The following XKR9 variants were observed in gnomAD, a reference collection of about 807,000 sequenced individuals.
XKR9 encodes XK-related protein 9.
Under a neutral mutation model 32.0 loss-of-function variants are expected in XKR9, and 32 were observed. The ratio of observed to expected loss-of-function variants is 1.00; its 90% CI spans 0.76 to 1.34. The LOEUF is 1.34. Among genes scored for constraint, XKR9 ranks in the 40% most tolerant of loss-of-function variants. The pLI, the probability that XKR9 is intolerant of heterozygous loss-of-function variation, is 0.00. For missense variants in XKR9, 546 were observed against 429.7 expected (o/e 1.27, Z -2.39); for synonymous variants, 168 against 143.4 (o/e 1.17, Z -1.22).
the XKR9 span, among the ~76,000 whole-genome samples, chr8:71,053,860 C>T: frequency 6.7e-6 from 1 of 150,264 alleles, no homozygotes; most frequent in Non-Finnish European, 1.5e-5. Flanking sequence ...GCATATGCTT[C>T]TCCTCTCTTA....
chr8:70,942,863 C>T, the XKR9 span, among the ~76,000 whole-genome samples: 39 of 152,084 alleles, frequency 2.6e-4, no homozygotes, highest in South Asian at 3.7e-3. Flanking sequence ...ATTTTGTGGC[C>T]AGCCCATAAG....
the XKR9 span, among the ~76,000 whole-genome samples, chr8:70,948,855 G>T: frequency 6.6e-6 from 1 of 152,180 alleles, no homozygotes; most frequent in South Asian, 2.1e-4. Flanking sequence ...ATGTGGTTCA[G>T]TTATATTTTA....
At chr8:70,972,574 CT>C in the XKR9 span, among the ~76,000 whole-genome samples, 1 of 152,108 alleles carries the variant, frequency 6.6e-6, no homozygotes, top group Non-Finnish European at 1.5e-5. Context: ...CAACTTTTCT[CT>C]GTTCAGTATA....
chr8:70,811,148 G>A, the XKR9 span, among the ~76,000 whole-genome samples: 13 of 152,170 alleles, frequency 8.5e-5, no homozygotes, highest in South Asian at 6.2e-4. Flanking sequence ...ACTCAAAACC[G>A]CTCAACTACA....
chr8:71,042,822 A>T, the XKR9 span, among the ~76,000 whole-genome samples: 1 of 152,192 alleles, frequency 6.6e-6, no homozygotes, highest in Non-Finnish European at 1.5e-5. Flanking sequence ...GCCATGACAC[A>T]TGGGCTTCCT....
At chr8:71,038,324 GTT>G in the XKR9 span, among the ~76,000 whole-genome samples, 3 of 78,144 alleles carry the variant, frequency 3.8e-5, no homozygotes, top group Non-Finnish European at 2.8e-5. Flanking sequence ...TTTCCTCTTT[GTT>G]TTTTTTTTTT....
At chr8:70,960,615 C>T in the XKR9 span, among the ~76,000 whole-genome samples, 3 of 152,112 alleles carry the variant, frequency 2.0e-5, no homozygotes, top group Non-Finnish European at 1.5e-5. Flanking sequence ...CAGTGGCTCA[C>T]ACCTGTAATC....
the XKR9 span, among the ~76,000 whole-genome samples, chr8:71,061,317 C>T: frequency 0.32 from 48,894 of 151,900 alleles, 9,158 homozygotes; most frequent in Non-Finnish European, 0.43. Context: ...TCATGACATA[C>T]GGGCCTTCGG....
At chr8:70,956,664 C>T in the XKR9 span, among the ~76,000 whole-genome samples, 1 of 152,182 alleles carries the variant, frequency 6.6e-6, no homozygotes, top group African/African-American at 2.4e-5. Context: ...AGCCCCCCTC[C>T]CGTGCCTGTT....
the XKR9 span, among the ~76,000 whole-genome samples, chr8:70,828,742 A>G: frequency 6.2e-3 from 945 of 151,666 alleles, 14 homozygotes; most frequent in South Asian, 0.072. Flanking sequence ...AAAAAAAAAA[A>G]AAAAGAAAGA....
chr8:70,826,508 T>G, the XKR9 span, among the ~76,000 whole-genome samples: 7 of 152,194 alleles, frequency 4.6e-5, no homozygotes, highest in African/African-American at 1.7e-4. Context: ...TTTATTTAAA[T>G]CATAAGAATT....
chr8:71,047,443 C>A, the XKR9 span, among the ~76,000 whole-genome samples: 362 of 152,326 alleles, frequency 2.4e-3, 11 homozygotes, highest in East Asian at 0.058. Context: ...TTAATTCCTG[C>A]TAAGGCACAT....
At chr8:70,956,741 G>A in the XKR9 span, among the ~76,000 whole-genome samples, 2 of 152,168 alleles carry the variant, frequency 1.3e-5, no homozygotes, top group African/African-American at 2.4e-5. Context: ...GTGCATACCC[G>A]GCCAGGTTAT....
At chr8:70,834,560 TA>T in the XKR9 span, among the ~76,000 whole-genome samples, 1 of 152,196 alleles carries the variant, frequency 6.6e-6, no homozygotes. Context: ...TTCCTGTTTT[TA>T]TTCAAAAATA....
intron 2 of XKR9, among the ~76,000 whole-genome samples, chr8:70,678,357 C>CA (rs1818951555): frequency 6.6e-6 from 1 of 152,020 alleles, no homozygotes; most frequent in Non-Finnish European, 1.5e-5. Flanking sequence ...TTTTGAGGTG[C>CA]ATGTGATAAT....
the XKR9 span, among the ~76,000 whole-genome samples, chr8:70,988,834 C>T: frequency 6.6e-6 from 1 of 152,190 alleles, no homozygotes; most frequent in Admixed American, 6.5e-5. Flanking sequence ...TCATCCCTCC[C>T]TCAGCCCTTG....
At chr8:70,768,568 C>G (rs183012695) in intron 2 of XKR9, among the ~76,000 whole-genome samples, 1 of 151,896 alleles carries the variant, frequency 6.6e-6, no homozygotes, top group Admixed American at 6.6e-5. Flanking sequence ...CTATTATTGT[C>G]TAGTATGTCT....
chr8:70,995,350 A>G, the XKR9 span, among the ~76,000 whole-genome samples: 1 of 152,330 alleles, frequency 6.6e-6, no homozygotes, highest in East Asian at 1.9e-4. Flanking sequence ...CCATTACTAT[A>G]GTTATCAACA....
At chr8:71,038,119 A>G in the XKR9 span, among the ~76,000 whole-genome samples, 1 of 152,182 alleles carries the variant, frequency 6.6e-6, no homozygotes, top group Admixed American at 6.5e-5. Flanking sequence ...AAAATGTTAC[A>G]ATATCAGACT....
Sources: gnomAD v4.1 joint callset for allele counts (sites outside exome capture counted in the v4.1 genomes callset) on GRCh38, gnomAD v4.1.1 for gene constraint, MANE v1.5 for transcripts, NCBI Gene and HGNC (gene_info 2026-07-23, HGNC 2026-07-21) for gene names.